Variants in RPAP2 observed in about 807,000 individuals in gnomAD.
The protein encoded by RPAP2 is RNA polymerase II associated protein 2.
RPAP2 carries 52 observed loss-of-function variants against 73.1 expected under a neutral mutation model. The observed-to-expected ratio is 0.71, with a 90% confidence interval of 0.57 to 0.90. RPAP2 has a LOEUF of 0.90. RPAP2 is among the 40% of genes least tolerant of loss of function. The pLI, the probability that RPAP2 is intolerant of heterozygous loss-of-function variation, is 0.00. For missense variants in RPAP2, 598 were observed against 701.8 expected (o/e 0.85, Z 1.67); for synonymous variants, 225 against 242.1 (o/e 0.93, Z 0.65).
At chr1:92,363,358 G>A (rs1044016450) in intron 11 of RPAP2, among the ~76,000 whole-genome samples, 1 of 152,198 alleles carries the variant, frequency 6.6e-6, no homozygotes, top group African/African-American at 2.4e-5. Flanking sequence ...GAGGCACAAG[G>A]AAATGTGATC....
chr1:92,349,900 C>G (rs1290122126), intron 11 of RPAP2, among the ~76,000 whole-genome samples: 1 of 152,142 alleles, frequency 6.6e-6, no homozygotes, highest in African/African-American at 2.4e-5. Flanking sequence ...GCACTCAAGC[C>G]TAGGTAACAG....
intron 6 of RPAP2, among the ~76,000 whole-genome samples, chr1:92,313,986 A>C (rs900457159): frequency 3.9e-5 from 6 of 152,182 alleles, no homozygotes; most frequent in African/African-American, 1.4e-4. Context: ...AGAATTGAGG[A>C]GAGTTAGAAC....
At position 92,399,908 on chromosome 1, in the gene RPAP2, A is replaced by G. The variant is rs1342497393; in HGVS notation, c.*12897A>G. 1 of 152,226 alleles carries G rather than the reference A, an allele frequency of 6.6e-6. No homozygotes were observed. Among genetic ancestry groups the G allele is most frequent in the African/African-American group, 2.4e-5 (1 of 41,464 alleles). The allele number at this position is 152,226 out of a possible 1,614,324, so 9.4% of individuals were successfully genotyped here. A position where few individuals can be genotyped will look rare whatever the true frequency, so the allele number is the denominator to read the frequency against. Reference sequence around the variant, plus strand: ...TCTCTTGTCTGGGTTGGGCATCCAGATAAGATTTTCTTCGTACAAAGAGTC... The same window carrying G: ...TCTCTTGTCTGGGTTGGGCATCCAGGTAAGATTTTCTTCGTACAAAGAGTC... On this transcript the variant is annotated 3_prime_UTR_variant, in exon 13 of 13. Transcript: ENST00000610020.
intron 11 of RPAP2, among the ~76,000 whole-genome samples, chr1:92,361,525 T>G (rs1161228383): frequency 6.6e-6 from 1 of 152,166 alleles, no homozygotes. Flanking sequence ...TGCTTACTAT[T>G]GTGACTGAAG....
intron 11 of RPAP2, among the ~76,000 whole-genome samples, chr1:92,377,291 C>T (rs12064732): frequency 0.017 from 2,549 of 151,848 alleles, 93 homozygotes; most frequent in African/African-American, 0.058. Flanking sequence ...GAGGCCGAGG[C>T]GGGTGGATCA....
In RPAP2 at chr1:92,393,745, A is replaced by T. The variant is rs1437632702; in HGVS notation, c.*6734A>T. On this transcript the variant is annotated 3_prime_UTR_variant, in exon 13 of 13. Coordinates refer to ENST00000610020, the MANE Select transcript of RPAP2 (RefSeq NM_024813.3). ...GAAAAAATGCTCATCATCACTAGTCATTAGAGAAATGAAAATCAAAACCAC... is the reference window on the plus strand; with the variant it reads ...GAAAAAATGCTCATCATCACTAGTCTTTAGAGAAATGAAAATCAAAACCAC... 1 of 152,260 alleles carries T rather than the reference A, an allele frequency of 6.6e-6. No individual in the cohort carries two copies. The highest frequency in any genetic ancestry group is 1.5e-5 in the Non-Finnish European group (1 of 68,060). 9.4% of individuals were successfully genotyped at this position (152,260 alleles called of 1,614,324 possible).
In RPAP2 at chr1:92,401,117, G is replaced by A. The variant is rs1463728424; in HGVS notation, c.*14106G>A. On this transcript the variant is annotated 3_prime_UTR_variant, in exon 13 of 13. Transcript: ENST00000610020. ...CCCCCATGATCCAATCACCTTCCAC[G>A]AGGTCCCTCCCCCAACACGTGGGGA... 2 of 152,140 alleles carry A rather than the reference G, an allele frequency of 1.3e-5. No homozygotes were observed. Among genetic ancestry groups the A allele is most frequent in the African/African-American group, 4.8e-5 (2 of 41,430 alleles). 9.4% of individuals were successfully genotyped at this position (152,140 alleles called of 1,614,324 possible).
chr1:92,372,996 T>G (rs1655216293), intron 11 of RPAP2, among the ~76,000 whole-genome samples: 1 of 152,228 alleles, frequency 6.6e-6, no homozygotes, highest in Non-Finnish European at 1.5e-5. Flanking sequence ...CCTCTTAAAC[T>G]AGTTCTTCAA....
At chr1:92,355,370 A>T (rs1303601744) in intron 11 of RPAP2, among the ~76,000 whole-genome samples, 1 of 152,148 alleles carries the variant, frequency 6.6e-6, no homozygotes, top group Non-Finnish European at 1.5e-5. Flanking sequence ...AGGTTAAATC[A>T]ACTTGGTAGT....
intron 6 of RPAP2, 44 bp downstream of exon 6, chr1:92,307,320 A>G (rs1433905849): frequency 9.0e-6 from 12 of 1,331,764 alleles, no homozygotes; most frequent in Non-Finnish European, 1.1e-5. Flanking sequence ...ATATATTCTA[A>G]TAATTTGTTT....
chr1:92,397,866 G>A lies in RPAP2; in HGVS notation c.*10855G>A, dbSNP rs1411899967. The A allele has an allele frequency of 6.6e-6, 1 of 152,286 alleles. No homozygotes were observed. Among genetic ancestry groups the A allele is most frequent in the East Asian group, 1.9e-4 (1 of 5,194 alleles). The allele number at this position is 152,286 out of a possible 1,614,324, so 9.4% of individuals were successfully genotyped here. On this transcript the variant is annotated 3_prime_UTR_variant, in exon 13 of 13. Transcript: ENST00000610020. ...GACAGACACAGGAGCCAATCTGAAA[G>A]AGCTCCCTGGCCGGGCACGGTGGCT...
rs545601153 is a variant in RPAP2, at chr1:92,352,879, C to A, written c.1688+6965C>A. Among the ~76,000 whole-genome samples, 11 of 152,284 alleles carry A rather than the reference C, an allele frequency of 7.2e-5. No homozygotes were observed. In the South Asian group the frequency reaches 2.3e-3, roughly 32 times the overall value. Reference sequence around the variant, plus strand: ...AATTTCCCTTCCTCTAGTCCTCTGGCAACCATAAATCCATTCTCTTATCTT... The same window carrying A: ...AATTTCCCTTCCTCTAGTCCTCTGGAAACCATAAATCCATTCTCTTATCTT... On this transcript the variant is annotated intron_variant, in intron 11 of 12. Coordinates refer to ENST00000610020, the MANE Select transcript of RPAP2 (RefSeq NM_024813.3).
At chr1:92,326,066 C>T (rs115353056) in intron 8 of RPAP2, among the ~76,000 whole-genome samples, 2,097 of 151,630 alleles carry the variant, frequency 0.014, 48 homozygotes, top group African/African-American at 0.047. Context: ...GGTGGGTTAT[C>T]GTATATGCAT....
rs765670654 is a variant in RPAP2, at chr1:92,324,099, T to C, written c.1179T>C (p.Ser393=). The C allele has an allele frequency of 3.1e-6, 5 of 1,614,042 alleles. No homozygotes were observed. The African/African-American group carries it at 4.0e-5, about 13-fold the overall frequency. The part of the protein sequence containing the change: ...LRFLYGQNYA[S]VCLKPEASLV... ...TTTTGTATGGCCAGAATTATGCTTC[T>C]GTGTGTCTGAAACCCGAAGCCTCTC... The change falls in exon 8 of 13, where the codon TCT becomes TCC. Residue 393 remains serine (S), a synonymous_variant. Coordinates refer to ENST00000610020, the MANE Select transcript of RPAP2 (RefSeq NM_024813.3).
At chr1:92,339,704 T>A (rs945077484) in intron 10 of RPAP2, among the ~76,000 whole-genome samples, 3 of 152,138 alleles carry the variant, frequency 2.0e-5, no homozygotes, top group African/African-American at 4.8e-5. Context: ...TTGTGTTTTT[T>A]AAAATATTAT....
intron 12 of RPAP2, among the ~76,000 whole-genome samples, chr1:92,384,573 G>A (rs1479578026): frequency 2.0e-5 from 3 of 150,378 alleles, no homozygotes; most frequent in South Asian, 2.1e-4. Context: ...GCAGTGAGCC[G>A]AGATTGTGCC....
At chr1:92,380,335 T>A (rs1186810511) in intron 11 of RPAP2, among the ~76,000 whole-genome samples, 1 of 152,130 alleles carries the variant, frequency 6.6e-6, no homozygotes, top group Non-Finnish European at 1.5e-5. Flanking sequence ...TGTTTACTAT[T>A]GTCTTTTTAG....
intron 11 of RPAP2, among the ~76,000 whole-genome samples, chr1:92,367,449 T>C (rs555646780): frequency 6.6e-6 from 1 of 152,382 alleles, no homozygotes; most frequent in South Asian, 2.1e-4. Context: ...CATGTACACA[T>C]TGAAGGTATG....
At chr1:92,370,869 G>GTGAT (rs1252295185) in intron 11 of RPAP2, among the ~76,000 whole-genome samples, 3 of 152,168 alleles carry the variant, frequency 2.0e-5, no homozygotes, top group Non-Finnish European at 4.4e-5. Flanking sequence ...TGCAAGAATA[G>GTGAT]TGATAGCCAG....
Sources: gnomAD v4.1 joint callset for allele counts (sites outside exome capture counted in the v4.1 genomes callset) on GRCh38, gnomAD v4.1.1 for gene constraint, MANE v1.5 for transcripts, NCBI Gene and HGNC (gene_info 2026-07-23, HGNC 2026-07-21) for gene names.